ABCC4: variants seen among roughly 807,000 people sequenced by gnomAD.
The protein encoded by ABCC4 is ATP binding cassette subfamily C member 4 (PEL blood group).
Under a neutral mutation model 168.5 loss-of-function variants are expected in ABCC4, and 102 were observed. The ratio of observed to expected loss-of-function variants is 0.61; its 90% CI spans 0.52 to 0.71. The LOEUF is 0.71. Among genes scored for constraint, ABCC4 ranks in the 30% least tolerant of loss-of-function variants. The probability of loss-of-function intolerance (pLI) is 0.00; values close to 1 mark genes in which losing one functional copy is unlikely to be tolerated. For synonymous variants in ABCC4, 617 were observed against 590.7 expected (o/e 1.04, Z -0.65); for missense variants, 1,402 against 1,605.8 (o/e 0.87, Z 2.17).
chr13:95,219,724 G>A (rs1351990207), intron 4 of ABCC4, among the ~76,000 whole-genome samples: 4 of 152,180 alleles, frequency 2.6e-5, no homozygotes, highest in African/African-American at 9.7e-5. Flanking sequence ...TCCCTATGTT[G>A]TCCAAGCTGG....
chr13:95,162,669 TA>T (rs2037136915), intron 18 of ABCC4, among the ~76,000 whole-genome samples: 1 of 152,180 alleles, frequency 6.6e-6, no homozygotes, highest in Admixed American at 6.5e-5. Context: ...TGGGAGGGAA[TA>T]ATGCTTTTAT....
chr13:95,274,500 T>G (rs2040923764), intron 1 of ABCC4, among the ~76,000 whole-genome samples: 1 of 152,174 alleles, frequency 6.6e-6, no homozygotes, highest in Non-Finnish European at 1.5e-5. Flanking sequence ...GCCTGTAGCT[T>G]ACAGCCTGCC....
At chr13:95,190,264 C>A (rs568717682) in intron 9 of ABCC4, among the ~76,000 whole-genome samples, 3 of 152,062 alleles carry the variant, frequency 2.0e-5, no homozygotes, top group Non-Finnish European at 4.4e-5. Context: ...CCTTGAGCAC[C>A]GGAGGCTGAG....
chr13:95,053,204 A>G lies in ABCC4; in HGVS notation c.3367-20T>C, dbSNP rs761431986. On this transcript the variant is annotated intron_variant, in intron 26 of 30. Coordinates refer to ENST00000645237, the MANE Select transcript of ABCC4 (RefSeq NM_005845.5). ...AGGTTCCTAAGTGCCCAAAATAGTC[A>G]CGGTCATTACCACAGACTCTTTTTT... 1.3e-6 allele frequency: 2 copies of G among 1,583,552 alleles called. No homozygotes were observed. Among genetic ancestry groups the G allele is most frequent in the South Asian group, 2.2e-5 (2 of 90,512 alleles).
intron 27 of ABCC4, 86 bp from the exon 28 acceptor site, chr13:95,044,524 C>T: frequency 2.4e-6 from 3 of 1,229,320 alleles, no homozygotes; most frequent in Non-Finnish European, 2.2e-6. Flanking sequence ...ACCTTCAAGT[C>T]CCTTCTCTCG....
At chr13:95,263,057 C>T (rs1488137700) in intron 1 of ABCC4, among the ~76,000 whole-genome samples, 1 of 152,024 alleles carries the variant, frequency 6.6e-6, no homozygotes, top group Non-Finnish European at 1.5e-5. Context: ...CTAAAGTGGC[C>T]CCAAGCATCA....
rs200801755 is a variant in ABCC4 at position 95,062,877 on chromosome 13, C to G, written c.3211-18G>C. On this transcript the variant is annotated intron_variant, in intron 25 of 30. Transcript: ENST00000645237. ...ATGCCAACCTACAGAGAGATCCAGG[C>G]GGCAGGATTAAAAAAAAAAAGAAAA... The G allele has an allele frequency of 7.1e-5, 107 of 1,503,736 alleles. No homozygotes were observed. The highest frequency in any genetic ancestry group is 8.4e-5 in the Non-Finnish European group (96 of 1,136,858). The allele number at this position is 1,503,736 out of a possible 1,614,324, so 93.1% of individuals were successfully genotyped here.
intron 1 of ABCC4, among the ~76,000 whole-genome samples, chr13:95,284,513 T>C (rs1024753303): frequency 1.3e-5 from 2 of 152,196 alleles, no homozygotes; most frequent in African/African-American, 4.8e-5. Context: ...GTGCCAGGAC[T>C]AGGTCAGGTA....
chr13:95,192,087 T>G (rs757379812), intron 9 of ABCC4, among the ~76,000 whole-genome samples: 2 of 152,212 alleles, frequency 1.3e-5, no homozygotes, highest in Non-Finnish European at 2.9e-5. Flanking sequence ...CCCTTCCCCA[T>G]GGAGAGTCAC....
chr13:95,195,914 A>T (rs1002770961), intron 8 of ABCC4, among the ~76,000 whole-genome samples: 1 of 152,212 alleles, frequency 6.6e-6, no homozygotes, highest in Non-Finnish European at 1.5e-5. Context: ...GTTTACAGGC[A>T]TAAGCCACCA....
At chr13:95,218,927 G>GAGAAAGAAAGAGAAAGAA (rs2039211068) in intron 4 of ABCC4, among the ~76,000 whole-genome samples, 3 of 42,438 alleles carry the variant, frequency 7.1e-5, no homozygotes, top group Non-Finnish European at 4.4e-5. Flanking sequence ...GAGAAAGAAA[G>GAGAAAGAAAGAGAAAGAA]AGAAAGAAAG....
intron 19 of ABCC4, among the ~76,000 whole-genome samples, chr13:95,127,715 G>A (rs1189429): frequency 0.49 from 74,226 of 151,938 alleles, 18,827 homozygotes; most frequent in South Asian, 0.68. Flanking sequence ...TCATGCCCTT[G>A]TGGTGCCATT....
chr13:95,103,859 G>C (rs180850668), intron 20 of ABCC4, among the ~76,000 whole-genome samples: 94 of 152,126 alleles, frequency 6.2e-4, no homozygotes, highest in African/African-American at 2.1e-3. Flanking sequence ...CTAATGCCTT[G>C]TCTCAAACCT....
chr13:95,158,443 G>A (rs1395674457), intron 19 of ABCC4, among the ~76,000 whole-genome samples: 2 of 152,158 alleles, frequency 1.3e-5, no homozygotes, highest in Non-Finnish European at 2.9e-5. Flanking sequence ...TGAATCACCT[G>A]GAGTTTCTGT....
chr13:95,025,652 G>A (rs926166878), intron 30 of ABCC4, among the ~76,000 whole-genome samples: 1 of 151,352 alleles, frequency 6.6e-6, no homozygotes, highest in South Asian at 2.1e-4. Flanking sequence ...TCATAGGTGA[G>A]GAGTAGGAAT....
chr13:95,151,117 G>C (rs1046070919), intron 19 of ABCC4, among the ~76,000 whole-genome samples: 1 of 152,190 alleles, frequency 6.6e-6, no homozygotes, highest in African/African-American at 2.4e-5. Context: ...CCATTTGGCA[G>C]CTGCATTAAT....
chr13:95,242,591 T>C (rs1233207802), intron 3 of ABCC4, among the ~76,000 whole-genome samples: 2 of 152,176 alleles, frequency 1.3e-5, no homozygotes, highest in East Asian at 3.9e-4. Flanking sequence ...GGTGCAATCA[T>C]AGCTCACTAA....
At chr13:95,177,301 A>C (rs1202635385) in intron 13 of ABCC4, among the ~76,000 whole-genome samples, 1 of 152,184 alleles carries the variant, frequency 6.6e-6, no homozygotes, top group Non-Finnish European at 1.5e-5. Flanking sequence ...TGATGGAGGA[A>C]AAGAGCTGAA....
chr13:95,138,710 G>T (rs2139472823), intron 19 of ABCC4, among the ~76,000 whole-genome samples: 1 of 152,256 alleles, frequency 6.6e-6, no homozygotes, highest in East Asian at 1.9e-4. Context: ...CTCTTAATAG[G>T]TTCCCTGATG....
Sources: gnomAD v4.1 joint callset for allele counts (sites outside exome capture counted in the v4.1 genomes callset) on GRCh38, gnomAD v4.1.1 for gene constraint, MANE v1.5 for transcripts, NCBI Gene and HGNC (gene_info 2026-07-23, HGNC 2026-07-21) for gene names.